The following FRMD5 variants were observed in gnomAD, a reference collection of about 807,000 sequenced individuals.
FRMD5 encodes FERM domain containing 5.
FRMD5 carries 20 observed loss-of-function variants against 69.0 expected under a neutral mutation model. The ratio of observed to expected loss-of-function variants is 0.29; its 90% confidence interval spans 0.20 to 0.42. FRMD5 has a LOEUF of 0.42. Ranked by LOEUF, FRMD5 falls within the 10% of genes least tolerant of loss-of-function variation. FRMD5 has a pLI of 1.00. For missense variants in FRMD5, 595 were observed against 708.6 expected (o/e 0.84, Z 1.82); for synonymous variants, 271 against 260.1 (o/e 1.04, Z -0.40).
intron 1 of FRMD5, among the ~76,000 whole-genome samples, chr15:44,187,858 A>G (rs753879926): frequency 1.2e-4 from 19 of 152,094 alleles, no homozygotes; most frequent in Admixed American, 6.5e-5. Flanking sequence ...CATAAACCAC[A>G]GTGCCTGGCC....
intron 1 of FRMD5, among the ~76,000 whole-genome samples, chr15:44,041,354 C>T (rs1380785604): frequency 2.0e-5 from 3 of 152,004 alleles, no homozygotes; most frequent in Non-Finnish European, 4.4e-5. Flanking sequence ...GAGACATCTA[C>T]AGAACTCTCT....
intron 1 of FRMD5, among the ~76,000 whole-genome samples, chr15:43,973,224 A>G (rs62023688): frequency 1.3e-5 from 2 of 151,798 alleles, no homozygotes; most frequent in Admixed American, 6.6e-5. Context: ...GGGTTTCACC[A>G]TGTTAGCCAG....
At chr15:44,096,206 C>CAAAAAAAAAAAAAAAAAAAAA (rs1213347011) in intron 1 of FRMD5, among the ~76,000 whole-genome samples, 1 of 47,902 alleles carries the variant, frequency 2.1e-5, no homozygotes, top group Non-Finnish European at 4.1e-5. Flanking sequence ...AACTCCATCT[C>CAAAAAAAAAAAAAAAAAAAAA]AAAAAAAAAA....
At chr15:44,067,925 T>C (rs1458041544) in intron 1 of FRMD5, among the ~76,000 whole-genome samples, 1 of 152,102 alleles carries the variant, frequency 6.6e-6, no homozygotes, top group Non-Finnish European at 1.5e-5. Flanking sequence ...TAGGCAAAGA[T>C]TGAAACAGAT....
Position 43,871,680 on chromosome 15 carries a change from C to T in FRMD5, c.*2205G>A, listed in dbSNP as rs771911969. 1.3e-5 allele frequency: 2 copies of T among 152,168 alleles called. No homozygotes were observed. Among genetic ancestry groups the T allele is most frequent in the East Asian group, 1.9e-4 (1 of 5,204 alleles). The allele number at this position is 152,168 out of a possible 1,614,324, so 9.4% of individuals were successfully genotyped here. A position where few individuals can be genotyped will look rare whatever the true frequency, so the allele number is the denominator to read the frequency against. On this transcript the variant is annotated 3_prime_UTR_variant, in exon 14 of 14. Coordinates refer to ENST00000417257, the MANE Select transcript of FRMD5 (RefSeq NM_032892.5). ...ATCTCCTTCGGTTTGTATTGTCACT[C>T]GATAAATAGATGTTTATAATTCTGC...
At chr15:44,144,977 T>C (rs2077334727) in intron 1 of FRMD5, among the ~76,000 whole-genome samples, 2 of 152,216 alleles carry the variant, frequency 1.3e-5, no homozygotes. Flanking sequence ...ATCATAGAGT[T>C]ACTAATGAAT....
chr15:43,955,367 T>C (rs759455653), intron 1 of FRMD5, among the ~76,000 whole-genome samples: 7 of 152,216 alleles, frequency 4.6e-5, no homozygotes, highest in Non-Finnish European at 8.8e-5. Flanking sequence ...TTAGTATCAT[T>C]AGACCAAGGG....
At chr15:44,089,419 C>T (rs1894341254) in intron 1 of FRMD5, among the ~76,000 whole-genome samples, 1 of 151,940 alleles carries the variant, frequency 6.6e-6, no homozygotes, top group Admixed American at 6.6e-5. Flanking sequence ...AAAAGTTTTT[C>T]AGGGCTGGGT....
intron 1 of FRMD5, among the ~76,000 whole-genome samples, chr15:43,970,267 C>G (rs72716050): frequency 0.029 from 4,366 of 152,310 alleles, 81 homozygotes; most frequent in Non-Finnish European, 0.047. Flanking sequence ...TGACAATTTA[C>G]TCTTGTTAAC....
intron 7 of FRMD5, among the ~76,000 whole-genome samples, chr15:43,901,529 G>C (rs1242705923): frequency 6.6e-6 from 1 of 152,136 alleles, no homozygotes; most frequent in Non-Finnish European, 1.5e-5. Context: ...GACCAGGAGT[G>C]TCAAAGCAAC....
At chr15:44,095,908 C>T (rs573670126) in intron 1 of FRMD5, among the ~76,000 whole-genome samples, 2 of 152,262 alleles carry the variant, frequency 1.3e-5, no homozygotes, top group Non-Finnish European at 2.9e-5. Flanking sequence ...CCTACTCTTA[C>T]TACATAAGAG....
intron 1 of FRMD5, among the ~76,000 whole-genome samples, chr15:44,096,206 CAAAAA>C: frequency 2.1e-5 from 1 of 47,902 alleles, no homozygotes; most frequent in East Asian, 6.9e-4. Flanking sequence ...AACTCCATCT[CAAAAA>C]AAAAAAAAAA....
rs183343221 is a variant in FRMD5 at position 43,890,017 on chromosome 15, C to T, written c.729-1145G>A. 4.6e-5 allele frequency among the ~76,000 whole-genome samples: 7 copies of T among 152,294 alleles called. No homozygotes were observed. The East Asian group carries it at 1.4e-3, about 29-fold the overall frequency. On this transcript the variant is annotated intron_variant, in intron 8 of 13. Coordinates refer to ENST00000417257, the MANE Select transcript of FRMD5 (RefSeq NM_032892.5). ...AGGAAAATCACTTGTTCTCCATGCTCCTGAAAATCATGGCTGGGTCAGGAT... is the reference window on the plus strand; with the variant it reads ...AGGAAAATCACTTGTTCTCCATGCTTCTGAAAATCATGGCTGGGTCAGGAT...
At chr15:44,021,164 T>G (rs1158737386) in intron 1 of FRMD5, among the ~76,000 whole-genome samples, 1 of 152,066 alleles carries the variant, frequency 6.6e-6, no homozygotes, top group East Asian at 1.9e-4. Context: ...TGTGCATCTG[T>G]GGTCCCATCT....
intron 1 of FRMD5, among the ~76,000 whole-genome samples, chr15:44,133,230 C>T (rs1168503673): frequency 1.4e-5 from 2 of 145,084 alleles, no homozygotes; most frequent in Admixed American, 1.4e-4. Context: ...AAAATCAAAA[C>T]AAAACAAAAA....
chr15:43,930,931 G>T (rs1029614941), intron 1 of FRMD5, among the ~76,000 whole-genome samples: 3 of 152,178 alleles, frequency 2.0e-5, no homozygotes, highest in African/African-American at 7.2e-5. Context: ...CTCAACAAGG[G>T]CAATTAAGAC....
At chr15:44,002,764 G>A (rs1017050641) in intron 1 of FRMD5, among the ~76,000 whole-genome samples, 5 of 152,106 alleles carry the variant, frequency 3.3e-5, no homozygotes, top group Admixed American at 6.5e-5. Context: ...AGGGTGCGGC[G>A]CGGGGCTGTC....
At chr15:43,989,935 T>C in intron 1 of FRMD5, 1 of 1,139,542 alleles carries the variant, frequency 8.8e-7, no homozygotes, top group South Asian at 1.2e-5. Context: ...CCAGATCTTC[T>C]CCATGTCGTC....
intron 1 of FRMD5, among the ~76,000 whole-genome samples, chr15:44,065,515 C>CA (rs1226142302): frequency 6.6e-6 from 1 of 152,148 alleles, no homozygotes; most frequent in African/African-American, 2.4e-5. Context: ...GAACACTCAA[C>CA]AGAGTTAATA....
Sources: allele counts gnomAD v4.1 joint callset (sites outside exome capture counted in the v4.1 genomes callset), GRCh38; gene constraint gnomAD v4.1.1; transcripts MANE v1.5; gene names NCBI Gene and HGNC (gene_info 2026-07-23, HGNC 2026-07-21).